STAT4: variants seen among roughly 807,000 people sequenced by gnomAD.
STAT4 encodes the protein signal transducer and activator of transcription 4.
In STAT4, 42 loss-of-function variants were observed where a neutral mutation model predicts 110.5. That is an observed-to-expected ratio of 0.38 (90% confidence interval 0.30 to 0.49). The LOEUF (loss-of-function observed/expected upper bound fraction) is 0.49. Ranked by LOEUF, STAT4 falls within the 20% of genes least tolerant of loss-of-function variation. The pLI is 0.95. For synonymous variants in STAT4, 284 were observed against 302.2 expected, an observed-to-expected ratio of 0.94 and a Z score of 0.63; for missense variants, 632 against 887.9, an observed-to-expected ratio of 0.71 and a Z score of 3.66.
Position 191,082,396 on chromosome 2 carries a change from T to C in STAT4, c.274-6071A>G, listed in dbSNP as rs1050261224. On this transcript the variant is annotated intron_variant, in intron 3 of 23. Coordinates refer to ENST00000392320, the MANE Select transcript of STAT4 (RefSeq NM_003151.4). The surrounding 1 kb of genome is among the most constrained non-coding windows in gnomAD (Gnocchi z 4.7). Reference sequence around the variant, plus strand: ...ATGACATTTTAAACAGCAATTAAGATCAACATATGTTGCACCAACAGTGCA... The same window carrying C: ...ATGACATTTTAAACAGCAATTAAGACCAACATATGTTGCACCAACAGTGCA... 6.6e-6 allele frequency among the ~76,000 whole-genome samples: 1 copy of C among 152,242 alleles called. No homozygotes were observed. The highest frequency in any genetic ancestry group is 2.4e-5 in the African/African-American group (1 of 41,470).
rs1696226190 is a variant in STAT4, at chr2:191,042,364, A to T, written c.1252-1216T>A. On this transcript the variant is annotated intron_variant, in intron 14 of 23. Coordinates refer to ENST00000392320, the MANE Select transcript of STAT4 (RefSeq NM_003151.4). The surrounding 1 kb of genome is among the most constrained non-coding windows in gnomAD (Gnocchi z 4.2). Reference sequence around the variant, plus strand: ...ATAAAAGAATAAAAAAACAGTGAAAAAAGTCTACTGTATTCAGCTCAGTTT... The same window carrying T: ...ATAAAAGAATAAAAAAACAGTGAAATAAGTCTACTGTATTCAGCTCAGTTT... Among the ~76,000 whole-genome samples the T allele has an allele frequency of 6.6e-6, 1 of 152,230 alleles. No homozygotes were observed. The highest frequency in any genetic ancestry group is 1.5e-5 in the Non-Finnish European group (1 of 68,038).
chr2:191,036,558 G>C (rs184549956), intron 16 of STAT4, among the ~76,000 whole-genome samples: 1 of 152,322 alleles, frequency 6.6e-6, no homozygotes, highest in East Asian at 1.9e-4. Context: ...GGAGTGGAGA[G>C]AAGTAACAAG....
rs1429357767 is a variant in STAT4, at chr2:191,066,037, AT to A, written c.630+392del. ...TCTCAGAGTAGAAACTAGAACACTT[AT>A]TTTTCCAATAAAATTTTAGTAGTCA... On this transcript the variant is annotated intron_variant, in intron 7 of 23. Transcript: ENST00000392320. The surrounding 1 kb of genome is among the most constrained non-coding windows in gnomAD (Gnocchi z 4.3). 2.6e-5 allele frequency among the ~76,000 whole-genome samples: 4 copies of A among 152,262 alleles called. No homozygotes were observed. The highest frequency in any genetic ancestry group is 5.9e-5 in the Non-Finnish European group (4 of 68,012).
intron 1 of STAT4, 36 bp from the exon 2 acceptor site, chr2:191,148,240 A>ATTTTT: frequency 6.2e-7 from 1 of 1,607,910 alleles, no homozygotes; most frequent in Non-Finnish European, 8.5e-7. Context: ...GTTTTAAAAT[A>ATTTTT]TTGTTCATAG....
chr2:191,129,309 A>T (rs188988390), intron 3 of STAT4, among the ~76,000 whole-genome samples: 171 of 152,284 alleles, frequency 1.1e-3, no homozygotes, highest in African/African-American at 3.8e-3. Flanking sequence ...ATGTCAATGC[A>T]CAGGCATGGT....
chr2:191,041,304 A>G (rs1215113254), intron 14 of STAT4, among the ~76,000 whole-genome samples, 156 bp from the exon 15 acceptor site: 1 of 152,164 alleles, frequency 6.6e-6, no homozygotes, highest in Non-Finnish European at 1.5e-5. Context: ...TTATTGTTTT[A>G]AAAGTTATAT....
chr2:191,126,943 C>T (rs1482456709), intron 3 of STAT4, among the ~76,000 whole-genome samples: 1 of 152,084 alleles, frequency 6.6e-6, no homozygotes, highest in Non-Finnish European at 1.5e-5. Flanking sequence ...CCTCACCCTC[C>T]CACGTAGCTG....
At chr2:191,034,236 C>G (rs951521426) in intron 18 of STAT4, among the ~76,000 whole-genome samples, 1 of 152,032 alleles carries the variant, frequency 6.6e-6, no homozygotes, top group African/African-American at 2.4e-5. Context: ...TCCTGACTAA[C>G]ACGGTGAAAC....
intron 14 of STAT4, among the ~76,000 whole-genome samples, chr2:191,047,115 G>T (rs1273512320): frequency 6.6e-6 from 1 of 152,206 alleles, no homozygotes; most frequent in East Asian, 1.9e-4. Context: ...TCAAAGAACA[G>T]ATTTTGGGAA....
Position 191,054,540 on chromosome 2 carries a change from TA to T in STAT4, c.1207-7del, listed in dbSNP as rs1559046112. On this transcript the variant is annotated splice_region_variant and splice_polypyrimidine_tract_variant and intron_variant, in intron 13 of 23. Coordinates refer to ENST00000392320, the MANE Select transcript of STAT4 (RefSeq NM_003151.4). ...GACTTCATTTCCTTTGGTTGCTTTGTAAAAGAAAACAACAATATTTAGATGG... is the reference window on the plus strand; with the variant it reads ...GACTTCATTTCCTTTGGTTGCTTTGTAAAGAAAACAACAATATTTAGATGG... 1 of 1,612,250 alleles carries T rather than the reference TA, an allele frequency of 6.2e-7. No homozygotes were observed. The highest frequency in any genetic ancestry group is 1.1e-5 in the South Asian group (1 of 90,616).
Position 191,033,599 on chromosome 2 carries a change from C to T in STAT4, c.1743G>A (p.Glu581=). The T allele has an allele frequency of 6.2e-7, 1 of 1,614,024 alleles. No homozygotes were observed. ...DGYVMGFVSK[E]KERLLLKDKM... ...TATCCTTTAGCAACAGCCGTTCCTTCTCTTTGCTAACAAAGCCCATGACAT... is the reference window on the plus strand; with the variant it reads ...TATCCTTTAGCAACAGCCGTTCCTTTTCTTTGCTAACAAAGCCCATGACAT... The change falls in exon 20 of 24, where the codon GAG becomes GAA. Residue 581 remains glutamate, a synonymous_variant. Transcript: ENST00000392320. This position sits in a 1 kb window ranked among gnomAD's most constrained non-coding sequence, Gnocchi z 6.9.
At chr2:191,111,470 C>T (rs1698418881) in intron 3 of STAT4, among the ~76,000 whole-genome samples, 1 of 152,090 alleles carries the variant, frequency 6.6e-6, no homozygotes, top group African/African-American at 2.4e-5. Context: ...GAACACTACT[C>T]AGTAACAAAC....
At chr2:191,127,518 G>T (rs1328503596) in intron 3 of STAT4, among the ~76,000 whole-genome samples, 2 of 152,098 alleles carry the variant, frequency 1.3e-5, no homozygotes, top group Admixed American at 6.5e-5. Flanking sequence ...TTTTCACTTT[G>T]TCTCCATTCT....
intron 3 of STAT4, among the ~76,000 whole-genome samples, chr2:191,130,323 C>T (rs759282803): frequency 2.0e-5 from 3 of 151,054 alleles, no homozygotes; most frequent in East Asian, 1.9e-4. Flanking sequence ...CCTGGGTTCA[C>T]GCCATTCTCC....
chr2:191,057,955 T>C, intron 13 of STAT4, 63 bp downstream of exon 13: 2 of 1,310,490 alleles, frequency 1.5e-6, no homozygotes, highest in Non-Finnish European at 2.2e-6. Context: ...TTATAAGGCG[T>C]ATTAGTAAAG....
chr2:191,118,679 G>A (rs781491932), intron 3 of STAT4, among the ~76,000 whole-genome samples: 39 of 152,048 alleles, frequency 2.6e-4, no homozygotes, highest in Non-Finnish European at 4.7e-4. Flanking sequence ...GATCTTTCTT[G>A]AATGTATCCT....
chr2:191,085,646 C>T (rs1697615980), intron 3 of STAT4, among the ~76,000 whole-genome samples: 1 of 152,076 alleles, frequency 6.6e-6, no homozygotes, highest in Non-Finnish European at 1.5e-5. Flanking sequence ...TTATGTTGAT[C>T]CTTTCAAAAT....
In STAT4 at chr2:191,058,908, T is replaced by G; in HGVS notation, c.1035-139A>C. 3.6e-6 allele frequency: 2 copies of G among 552,098 alleles called. No homozygotes were observed. The highest frequency in any genetic ancestry group is 7.4e-5 in the Admixed American group (2 of 27,000). 34.2% of individuals were successfully genotyped at this position (552,098 alleles called of 1,614,324 possible). ...TACATTATCTACAGTTATATGTTAG[T>G]GTGTTTTAAAAATGTATAATGCCTC... On this transcript the variant is annotated intron_variant, in intron 10 of 23. Transcript: ENST00000392320. This position sits in a 1 kb window ranked among gnomAD's most constrained non-coding sequence, Gnocchi z 4.3.
chr2:191,076,302 C>A lies in STAT4; in HGVS notation c.297G>T (p.Met99Ile). 3 of 1,600,096 alleles carry A rather than the reference C, an allele frequency of 1.9e-6. No individual in the cohort carries two copies. Among genetic ancestry groups the A allele is most frequent in the South Asian group, 1.1e-5 (1 of 88,182 alleles). ...VLQGKFHGNP[M>I]HVAVVISNCL... ...AGTTTGAAATAACCACAGCTACATG[C>A]ATTGGATTTCCATGAAATTTTCCCT... The change falls in exon 4 of 24, where the codon ATG becomes ATT. Residue 99 changes from methionine (M) to isoleucine (I), a missense_variant. By Grantham distance (10) the Met-to-Ile change is conservative (BLOSUM62 1). Transcript: ENST00000392320.
Sources: allele counts gnomAD v4.1 joint callset (sites outside exome capture counted in the v4.1 genomes callset), GRCh38; gene constraint gnomAD v4.1.1; non-coding constraint Gnocchi (gnomAD v3.1); transcripts MANE v1.5; gene names NCBI Gene and HGNC (gene_info 2026-07-23, HGNC 2026-07-21).